AP3B1: variants seen among roughly 807,000 people sequenced by gnomAD.
AP3B1 encodes the protein AP-3 complex subunit beta-1.
A neutral mutation model predicts 132.5 loss-of-function variants in AP3B1; 61 were observed. That is an observed-to-expected ratio of 0.46 (90% CI 0.37 to 0.57). The LOEUF (loss-of-function observed/expected upper bound fraction) is 0.57, where lower values mean the gene tolerates loss of function less well. Among genes scored for constraint, AP3B1 ranks in the 20% least tolerant of loss-of-function variants. The pLI is 0.00. For missense variants in AP3B1, 1,120 were observed against 1,289.4 expected (o/e 0.87, Z 2.01); for synonymous variants, 388 against 438.3 (o/e 0.89, Z 1.43).
At chr5:78,289,952 A>G (rs139429993) in intron 1 of AP3B1, among the ~76,000 whole-genome samples, 1 of 152,148 alleles carries the variant, frequency 6.6e-6, no homozygotes, top group Admixed American at 6.5e-5. Flanking sequence ...TAAAGAATCC[A>G]TCTTTCCTCC....
At chr5:78,039,863 A>C (rs1257774718) in intron 22 of AP3B1, among the ~76,000 whole-genome samples, 1 of 135,242 alleles carries the variant, frequency 7.4e-6, no homozygotes, top group Non-Finnish European at 1.6e-5. Flanking sequence ...AAACATACTC[A>C]TTTTTTTTTT....
chr5:78,179,935 G>A (rs1194857324), intron 8 of AP3B1, among the ~76,000 whole-genome samples: 1 of 152,114 alleles, frequency 6.6e-6, no homozygotes, highest in African/African-American at 2.4e-5. Flanking sequence ...AATGGGACCA[G>A]AAGTACAAAC....
intron 20 of AP3B1, among the ~76,000 whole-genome samples, chr5:78,109,404 C>T (rs760594179): frequency 2.0e-5 from 3 of 151,906 alleles, no homozygotes; most frequent in Admixed American, 6.6e-5. Context: ...AACAAATAAA[C>T]GAAAACAATA....
chr5:78,015,782 C>G, intron 25 of AP3B1: 1 of 474,082 alleles, frequency 2.1e-6, no homozygotes, highest in Non-Finnish European at 3.8e-6. Context: ...TCACTTAAAT[C>G]TAATTTTAAG....
chr5:78,046,387 AAC>A (rs1191848808), intron 22 of AP3B1, among the ~76,000 whole-genome samples: 4 of 152,200 alleles, frequency 2.6e-5, no homozygotes, highest in Non-Finnish European at 5.9e-5. Flanking sequence ...TCTGAGGTGG[AAC>A]AGTTTCATCC....
intron 22 of AP3B1, chr5:78,087,791 T>C: frequency 1.5e-6 from 1 of 669,792 alleles, no homozygotes; most frequent in Non-Finnish European, 1.8e-6. Flanking sequence ...TTCTTATTAT[T>C]AATAAAGTAG....
At chr5:78,084,331 AAAATTAGCCAAT>A (rs1750137864) in intron 22 of AP3B1, among the ~76,000 whole-genome samples, 1 of 151,992 alleles carries the variant, frequency 6.6e-6, no homozygotes, top group Non-Finnish European at 1.5e-5. Flanking sequence ...CAAAAATTAA[AAAATTAGCCAAT>A]AAATTAGCCA....
At chr5:78,179,783 TA>T (rs1045375531) in intron 8 of AP3B1, among the ~76,000 whole-genome samples, 3 of 151,242 alleles carry the variant, frequency 2.0e-5, no homozygotes, top group African/African-American at 4.9e-5. Flanking sequence ...AGTACGAGGT[TA>T]AAAAAAAATC....
intron 22 of AP3B1, chr5:78,087,626 C>T (rs542317856): frequency 7.4e-5 from 73 of 985,172 alleles, no homozygotes; most frequent in African/African-American, 1.2e-4. Flanking sequence ...TGTCAACTGG[C>T]GGTCATTTTT....
chr5:78,163,842 T>G (rs1743500247), intron 12 of AP3B1, among the ~76,000 whole-genome samples: 2 of 151,816 alleles, frequency 1.3e-5, no homozygotes, highest in Admixed American at 1.3e-4. Flanking sequence ...ATACACACTT[T>G]GTATCATATA....
In AP3B1 at chr5:78,165,517, T is replaced by C. The variant is rs74779308; in HGVS notation, c.1230+93A>G. The C allele has an allele frequency of 6.8e-3, 5,987 of 880,034 alleles. 249 individuals are homozygous for C. The African/African-American group carries it at 0.084, about 12-fold the overall frequency. The allele number at this position is 880,034 out of a possible 1,614,324, so 54.5% of individuals were successfully genotyped here. A position where few individuals can be genotyped will look rare whatever the true frequency, so the allele number is the denominator to read the frequency against. The stretch of plus-strand genomic sequence containing the variant: ...GTCTTGTCCCAATCACTATTTTATG[T>C]ACATAATTACATATTTCTAGATAGA... On this transcript the variant is annotated intron_variant, in intron 12 of 26. Coordinates refer to ENST00000255194, the MANE Select transcript of AP3B1 (RefSeq NM_003664.5).
intron 22 of AP3B1, among the ~76,000 whole-genome samples, chr5:78,060,702 A>C (rs1016691579): frequency 6.6e-6 from 1 of 152,100 alleles, no homozygotes; most frequent in African/African-American, 2.4e-5. Flanking sequence ...TATTTGCCAC[A>C]GCTCATACCA....
At chr5:78,155,015 A>T (rs1743089469) in intron 14 of AP3B1, among the ~76,000 whole-genome samples, 1 of 152,098 alleles carries the variant, frequency 6.6e-6, no homozygotes, top group African/African-American at 2.4e-5. Context: ...ATGCTTACAG[A>T]TGTTCATCAG....
intron 7 of AP3B1, among the ~76,000 whole-genome samples, chr5:78,204,812 A>C (rs1305463654): frequency 6.6e-6 from 1 of 150,792 alleles, no homozygotes; most frequent in Non-Finnish European, 1.5e-5. Flanking sequence ...AGTGAGGGTA[A>C]GTTTAAATGC....
At chr5:78,210,750 C>T (rs932620097) in intron 7 of AP3B1, among the ~76,000 whole-genome samples, 1 of 152,014 alleles carries the variant, frequency 6.6e-6, no homozygotes, top group African/African-American at 2.4e-5. Context: ...GTCAGAGTTT[C>T]CTTTCAGTTT....
At chr5:78,204,416 T>G (rs1745419974) in intron 7 of AP3B1, among the ~76,000 whole-genome samples, 1 of 152,224 alleles carries the variant, frequency 6.6e-6, no homozygotes, top group South Asian at 2.1e-4. Context: ...CTGCAGAGCT[T>G]GAAGGTCAGT....
intron 22 of AP3B1, among the ~76,000 whole-genome samples, chr5:78,084,343 T>A (rs252760): frequency 6.6e-6 from 1 of 150,842 alleles, no homozygotes; most frequent in African/African-American, 2.4e-5. Flanking sequence ...AATTAGCCAA[T>A]AAATTAGCCA....
intron 3 of AP3B1, among the ~76,000 whole-genome samples, chr5:78,231,070 A>G (rs1746629732): frequency 6.6e-6 from 1 of 152,116 alleles, no homozygotes; most frequent in South Asian, 2.1e-4. Context: ...CAGCAAGCCA[A>G]GATCGCACCA....
At chr5:78,251,536 G>A (rs752411838) in intron 2 of AP3B1, among the ~76,000 whole-genome samples, 17 of 152,196 alleles carry the variant, frequency 1.1e-4, no homozygotes, top group Non-Finnish European at 1.6e-4. Flanking sequence ...CACTGGGGAA[G>A]GGAGAACACT....
Sources: gnomAD v4.1 joint callset for allele counts (sites outside exome capture counted in the v4.1 genomes callset) on GRCh38, gnomAD v4.1.1 for gene constraint, MANE v1.5 for transcripts, NCBI Gene and HGNC (gene_info 2026-07-23, HGNC 2026-07-21) for gene names.